The following ROBO2 variants were observed in gnomAD, a reference collection of about 807,000 sequenced individuals.
The protein encoded by ROBO2 is roundabout homolog 2.
In ROBO2, 53 loss-of-function variants were observed where a neutral mutation model predicts 160.8. The observed-to-expected ratio is 0.33, with a 90% confidence interval of 0.26 to 0.41. ROBO2 has a LOEUF of 0.41. ROBO2 is among the 10% of genes least tolerant of loss of function. The pLI, the probability that ROBO2 is intolerant of heterozygous loss-of-function variation, is 1.00. For synonymous variants in ROBO2, 664 were observed against 611.7 expected, an observed-to-expected ratio of 1.09 and a Z score of -1.26; for missense variants, 1,577 against 1,722.4, an observed-to-expected ratio of 0.92 and a Z score of 1.49.
intron 2 of ROBO2, among the ~76,000 whole-genome samples, chr3:76,791,904 CA>C (rs2063379114): frequency 6.6e-6 from 1 of 151,782 alleles, no homozygotes; most frequent in Admixed American, 6.6e-5. Context: ...TAGCCTTTTA[CA>C]TTTTGTTAAT....
At chr3:76,978,850 C>G (rs2059938247) in intron 2 of ROBO2, among the ~76,000 whole-genome samples, 1 of 151,362 alleles carries the variant, frequency 6.6e-6, no homozygotes, top group Admixed American at 6.6e-5. Context: ...TATGAGGGCT[C>G]TGTTCAGCTG....
chr3:76,937,960 A>G (rs895161262), intron 2 of ROBO2, among the ~76,000 whole-genome samples: 13 of 152,228 alleles, frequency 8.5e-5, no homozygotes, highest in African/African-American at 2.9e-4. Context: ...CTAGGATTCA[A>G]GTAAAACACC....
intron 2 of ROBO2, among the ~76,000 whole-genome samples, chr3:76,893,201 G>GAC (rs147564173): frequency 1.3e-4 from 19 of 151,204 alleles, no homozygotes; most frequent in Non-Finnish European, 2.5e-4. Flanking sequence ...CTTTGGGCCA[G>GAC]ACACACACAC....
At chr3:77,445,213 G>A (rs992924341) in intron 2 of ROBO2, among the ~76,000 whole-genome samples, 3 of 152,058 alleles carry the variant, frequency 2.0e-5, no homozygotes, top group African/African-American at 7.2e-5. Context: ...GCCACTCTAC[G>A]CTACTAGTGG....
At chr3:76,705,285 G>C (rs1299794681) in intron 2 of ROBO2, among the ~76,000 whole-genome samples, 1 of 152,084 alleles carries the variant, frequency 6.6e-6, no homozygotes, top group Non-Finnish European at 1.5e-5. Context: ...GTTGCCTAGA[G>C]TAATACAATG....
intron 2 of ROBO2, among the ~76,000 whole-genome samples, chr3:77,413,551 T>C (rs992393672): frequency 5.9e-5 from 9 of 152,212 alleles, no homozygotes; most frequent in Non-Finnish European, 1.2e-4. Context: ...ATGATCTTGA[T>C]GTTCAGTTGA....
chr3:76,518,874 T>C (rs1355693605), intron 2 of ROBO2, among the ~76,000 whole-genome samples: 1 of 152,172 alleles, frequency 6.6e-6, no homozygotes, highest in Non-Finnish European at 1.5e-5. Flanking sequence ...GGATCAGAGA[T>C]GAATAACAGT....
At chr3:77,304,320 T>C (rs749065406) in intron 2 of ROBO2, among the ~76,000 whole-genome samples, 1 of 152,242 alleles carries the variant, frequency 6.6e-6, no homozygotes, top group Non-Finnish European at 1.5e-5. Flanking sequence ...CTGGTCGTTG[T>C]ACCTCTAGCA....
At chr3:77,216,575 T>C (rs991158336) in intron 2 of ROBO2, among the ~76,000 whole-genome samples, 1 of 152,142 alleles carries the variant, frequency 6.6e-6, no homozygotes, top group African/African-American at 2.4e-5. Flanking sequence ...TGCACTGCAC[T>C]CACTGTCCTG....
intron 24 of ROBO2, among the ~76,000 whole-genome samples, chr3:77,638,264 G>A (rs1323064895): frequency 6.6e-6 from 1 of 152,218 alleles, no homozygotes; most frequent in Non-Finnish European, 1.5e-5. Context: ...TAGCAGCATT[G>A]ATTGTACAGA....
intron 2 of ROBO2, among the ~76,000 whole-genome samples, chr3:76,274,351 A>T (rs181507754): frequency 0.074 from 9,144 of 122,842 alleles, 368 homozygotes; most frequent in Non-Finnish European, 0.1. Flanking sequence ...AAGTATAATT[A>T]AAAAAAAAAA....
intron 2 of ROBO2, among the ~76,000 whole-genome samples, chr3:76,435,618 A>G (rs2076638149): frequency 6.6e-6 from 1 of 152,120 alleles, no homozygotes; most frequent in African/African-American, 2.4e-5. Flanking sequence ...AGGTCAGTTG[A>G]TCTTCTGCAG....
At chr3:76,694,645 A>G (rs1012452533) in intron 2 of ROBO2, among the ~76,000 whole-genome samples, 32 of 152,174 alleles carry the variant, frequency 2.1e-4, no homozygotes, top group African/African-American at 6.5e-4. Flanking sequence ...GTATCTTTTA[A>G]CTATTTAATT....
At chr3:75,964,556 T>A (rs1949037794) in intron 2 of ROBO2, among the ~76,000 whole-genome samples, 1 of 151,638 alleles carries the variant, frequency 6.6e-6, no homozygotes, top group South Asian at 2.1e-4. Context: ...TTTGTATATA[T>A]TTGGTATAAT....
chr3:76,474,960 C>A (rs530631463), intron 2 of ROBO2, among the ~76,000 whole-genome samples: 10 of 152,048 alleles, frequency 6.6e-5, no homozygotes, highest in African/African-American at 1.9e-4. Context: ...GATAACAAGC[C>A]CAACCAAACG....
intron 2 of ROBO2, among the ~76,000 whole-genome samples, chr3:75,949,775 G>GAT (rs202234309): frequency 1.5e-4 from 1 of 6,684 alleles, no homozygotes; most frequent in Non-Finnish European, 2.5e-3. Flanking sequence ...AATTCAGATT[G>GAT]CTCTACATTC....
At chr3:76,086,958 T>G (rs960305795) in intron 2 of ROBO2, among the ~76,000 whole-genome samples, 1 of 152,090 alleles carries the variant, frequency 6.6e-6, no homozygotes, top group African/African-American at 2.4e-5. Flanking sequence ...CTCTCTGAGC[T>G]GGAGAATATG....
chr3:77,202,418 G>T (rs1403351148), intron 2 of ROBO2, among the ~76,000 whole-genome samples: 1 of 151,964 alleles, frequency 6.6e-6, no homozygotes, highest in Non-Finnish European at 1.5e-5. Context: ...CTTCTGGAGG[G>T]GTGATATAGT....
chr3:77,600,895 C>A (rs928072601), intron 19 of ROBO2, among the ~76,000 whole-genome samples: 2 of 152,048 alleles, frequency 1.3e-5, no homozygotes, highest in African/African-American at 4.8e-5. Flanking sequence ...CTTATACAAC[C>A]TGGTGAAATA....
Sources: allele counts gnomAD v4.1 joint callset (sites outside exome capture counted in the v4.1 genomes callset), GRCh38; gene constraint gnomAD v4.1.1; transcripts MANE v1.5; gene names NCBI Gene and HGNC (gene_info 2026-07-23, HGNC 2026-07-21).